The following MYOF variants were observed in gnomAD, a reference collection of about 807,000 sequenced individuals.
MYOF encodes fer-1-like 3, myoferlin.
In MYOF, 244 loss-of-function variants were observed where a neutral mutation model predicts 284.2. The ratio of observed to expected loss-of-function variants is 0.86; its 90% CI spans 0.77 to 0.95. MYOF has a LOEUF of 0.95. MYOF is among the 40% of genes least tolerant of loss of function. The pLI, the probability that MYOF is intolerant of heterozygous loss-of-function variation, is 0.00. For missense variants in MYOF, 2,496 were observed against 2,560.6 expected, an observed-to-expected ratio of 0.97 and a Z score of 0.54; for synonymous variants, 904 against 919.7, an observed-to-expected ratio of 0.98 and a Z score of 0.31.
chr10:93,375,245 A>G (rs1230092357), intron 22 of MYOF, among the ~76,000 whole-genome samples: 2 of 152,252 alleles, frequency 1.3e-5, no homozygotes, highest in Admixed American at 6.5e-5. Flanking sequence ...TGGAAAGAAG[A>G]TGGAAACAGT....
At chr10:93,424,456 T>C (rs968832038) in intron 5 of MYOF, among the ~76,000 whole-genome samples, 3 of 152,068 alleles carry the variant, frequency 2.0e-5, no homozygotes, top group Admixed American at 6.5e-5. Context: ...GTTTTTTGTT[T>C]GTTTTTTTTT....
chr10:93,369,524 T>C, intron 25 of MYOF, 121 bp downstream of exon 25: 1 of 1,393,274 alleles, frequency 7.2e-7, no homozygotes, highest in East Asian at 2.4e-5. Context: ...GATGGGATTT[T>C]AGGGGATGGT....
chr10:93,446,377 C>T (rs1249848446), intron 3 of MYOF, among the ~76,000 whole-genome samples: 4 of 152,150 alleles, frequency 2.6e-5, no homozygotes, highest in African/African-American at 9.7e-5. Context: ...TCAGTGTTAC[C>T]GGGAAATTAA....
chr10:93,342,928 G>A (rs1026626680), intron 38 of MYOF, among the ~76,000 whole-genome samples: 7 of 152,184 alleles, frequency 4.6e-5, no homozygotes, highest in African/African-American at 7.2e-5. Context: ...TGATATTGTC[G>A]TTTGTGACTG....
chr10:93,425,163 A>C (rs559115729), intron 5 of MYOF, among the ~76,000 whole-genome samples: 1 of 151,458 alleles, frequency 6.6e-6, no homozygotes, highest in Admixed American at 6.6e-5. Context: ...CTGGTCTCGA[A>C]CTCCTGACCC....
In MYOF at chr10:93,387,908, T is replaced by G; in HGVS notation, c.1587A>C (p.Glu529Asp). The G allele has an allele frequency of 1.1e-5, 17 of 1,612,620 alleles. No individual in the cohort carries two copies. Among genetic ancestry groups the G allele is most frequent in the Non-Finnish European group, 1.4e-5 (16 of 1,178,734 alleles). ...AGATCCTGCCTCTGTAGGCAACTCCTTCCCCCTGAAAGGCAATAATCCAGG... is the reference window on the plus strand; with the variant it reads ...AGATCCTGCCTCTGTAGGCAACTCCGTCCCCCTGAAAGGCAATAATCCAGG... ...PYDELNTGKGEGVAYRGRILV... is the reference protein window; with the variant it reads ...PYDELNTGKGDGVAYRGRILV... Residue 529 changes from glutamate (E) to aspartate (D), a missense_variant, in exon 19 of 54, where the codon GAA (glutamate) becomes GAC (aspartate). Coordinates refer to ENST00000359263, the MANE Select transcript of MYOF (RefSeq NM_013451.4).
At chr10:93,452,684 C>T (rs947567701) in intron 2 of MYOF, among the ~76,000 whole-genome samples, 2 of 151,514 alleles carry the variant, frequency 1.3e-5, no homozygotes, top group Non-Finnish European at 2.9e-5. Context: ...TGCACATGTA[C>T]CCTAGAACTT....
chr10:93,372,807 G>T (rs1845650006), intron 24 of MYOF, 123 bp downstream of exon 24: 2 of 1,191,798 alleles, frequency 1.7e-6, no homozygotes, highest in Non-Finnish European at 2.4e-6. Context: ...GACCAGGATG[G>T]GCTAGAATTG....
intron 53 of MYOF, among the ~76,000 whole-genome samples, chr10:93,308,665 C>T (rs1458528237): frequency 2.0e-5 from 3 of 151,240 alleles, no homozygotes; most frequent in Non-Finnish European, 2.9e-5. Flanking sequence ...ACTAGAAGTA[C>T]TATACTGGGG....
intron 13 of MYOF, among the ~76,000 whole-genome samples, chr10:93,398,328 G>A (rs1361547460): frequency 6.6e-6 from 1 of 152,086 alleles, no homozygotes; most frequent in Non-Finnish European, 1.5e-5. Context: ...CTGATAACCT[G>A]GATAAACACT....
At chr10:93,407,773 G>A (rs1425167720) in intron 7 of MYOF, among the ~76,000 whole-genome samples, 1 of 151,718 alleles carries the variant, frequency 6.6e-6, no homozygotes. Flanking sequence ...TCAGTATGGG[G>A]GGCAAAACAA....
intron 52 of MYOF, among the ~76,000 whole-genome samples, 159 bp from the exon 53 acceptor site, chr10:93,310,326 C>T (rs558851219): frequency 3.0e-4 from 46 of 152,294 alleles, no homozygotes; most frequent in African/African-American, 1.0e-3. Flanking sequence ...TAACCTACGA[C>T]AGCTTCCTAA....
rs199504349 is a variant in MYOF, at chr10:93,401,439, G to A, written c.1096C>T (p.Arg366Ter). The change falls in exon 12 of 54, where the codon CGA becomes TGA. Residue 366 changes from arginine to a stop codon, truncating the protein, a stop_gained. Transcript: ENST00000359263. LOFTEE classifies it high-confidence loss of function. ...ATACTCTGGGGGATGTCCTCAGCTC[G>A]GTAGATTTTCAGCAAGAAGGTCACC... Reference protein sequence around the residue: ...RWVTFLLKIYRAEDIPQMDDA... With the variant: ...RWVTFLLKIY 92 of 1,614,114 alleles carry A rather than the reference G, an allele frequency of 5.7e-5. No homozygotes were observed. The Middle Eastern group carries it at 9.9e-4, about 17-fold the overall frequency.
chr10:93,351,792 T>G lies in MYOF; in HGVS notation c.3536A>C (p.His1179Pro), dbSNP rs367778124. The change falls in exon 33 of 54, where the codon CAT becomes CCT. Residue 1179 changes from histidine to proline, a missense_variant. His to Pro is a moderately conservative substitution (Grantham distance 77). Transcript: ENST00000359263. Reference protein sequence around the residue: ...LHRSKTTEIIHSTLNPTWDQT... With the variant: ...LHRSKTTEIIPSTLNPTWDQT... ...GTCCCACGTGGGATTCAGGGTTGAA[T>G]GGATGATCTCAGTGGTTTTGCTCCG... The G allele has an allele frequency of 1.3e-6, 2 of 1,595,680 alleles. No homozygotes were observed. The highest frequency in any genetic ancestry group is 2.3e-5 in the South Asian group (2 of 86,968).
intron 1 of MYOF, among the ~76,000 whole-genome samples, chr10:93,461,948 C>T (rs1273440290): frequency 6.6e-6 from 1 of 152,170 alleles, no homozygotes; most frequent in Non-Finnish European, 1.5e-5. Context: ...TGGCTGAGTC[C>T]AGGCAGATGC....
In MYOF at chr10:93,472,913, C is replaced by T. The variant is rs535499045; in HGVS notation, c.88+9194G>A. ...CATAAAAGCCAGAAGACATGAGCAC[C>T]TGTCATGCAACATTCTGTGTCAGCA... On this transcript the variant is annotated intron_variant, in intron 1 of 53. Transcript: ENST00000359263. Among the ~76,000 whole-genome samples, 4 of 152,290 alleles carry T rather than the reference C, an allele frequency of 2.6e-5. No homozygotes were observed. The South Asian group carries it at 8.3e-4, about 32-fold the overall frequency.
intron 48 of MYOF, 21 bp downstream of exon 48, chr10:93,323,057 T>A (rs758756607): frequency 2.5e-6 from 4 of 1,601,496 alleles, no homozygotes; most frequent in Non-Finnish European, 3.4e-6. Context: ...CTTGGCAAAG[T>A]CTCTCACATG....
At chr10:93,433,239 C>T (rs1848953128) in intron 3 of MYOF, among the ~76,000 whole-genome samples, 1 of 152,194 alleles carries the variant, frequency 6.6e-6, no homozygotes, top group Admixed American at 6.5e-5. Flanking sequence ...CTCACCACAA[C>T]CTCCGCCTCC....
chr10:93,469,698 G>A (rs1055251668), intron 1 of MYOF, among the ~76,000 whole-genome samples: 2 of 152,118 alleles, frequency 1.3e-5, no homozygotes, highest in African/African-American at 2.4e-5. Context: ...CTGAGTTCAC[G>A]TGCCTGACCA....
Sources: gnomAD v4.1 joint callset for allele counts (sites outside exome capture counted in the v4.1 genomes callset) on GRCh38, gnomAD v4.1.1 for gene constraint, MANE v1.5 for transcripts, NCBI Gene and HGNC (gene_info 2026-07-23, HGNC 2026-07-21) for gene names.